LCOR: variants seen among roughly 807,000 people sequenced by gnomAD.
The protein encoded by LCOR is ligand dependent nuclear receptor corepressor.
LCOR carries 14 observed loss-of-function variants against 64.4 expected under a neutral mutation model. The observed-to-expected ratio is 0.22, with a 90% CI of 0.14 to 0.34. The LOEUF is 0.34. Ranked by LOEUF, LCOR falls within the 10% of genes least tolerant of loss-of-function variation. LCOR has a pLI of 1.00. For synonymous variants in LCOR, 643 were observed against 642.5 expected (o/e 1.00, Z -0.01); for missense variants, 1,686 against 1,765.3 (o/e 0.96, Z 0.80).
At chr10:96,873,526 A>T (rs1269590968) in intron 2 of LCOR, among the ~76,000 whole-genome samples, 3 of 150,344 alleles carry the variant, frequency 2.0e-5, no homozygotes, top group Non-Finnish European at 4.4e-5. Flanking sequence ...TTGAATAGAT[A>T]CAGTGCTAAG....
At chr10:96,965,579 G>T (rs978254215) in intron 7 of LCOR, among the ~76,000 whole-genome samples, 1 of 148,332 alleles carries the variant, frequency 6.7e-6, no homozygotes. Context: ...GGAGAATGGC[G>T]TGAACCCAGG....
chr10:96,932,890 A>G (rs1476534715), intron 4 of LCOR, among the ~76,000 whole-genome samples: 1 of 152,254 alleles, frequency 6.6e-6, no homozygotes, highest in East Asian at 1.9e-4. Flanking sequence ...ATATGTTTCA[A>G]GAAAGGAAGA....
Position 96,992,497 on chromosome 10 carries a change from G to A in LCOR, c.*7363G>A, listed in dbSNP as rs566037808. On this transcript the variant is annotated 3_prime_UTR_variant, in exon 8 of 8. Coordinates refer to ENST00000421806, the MANE Select transcript of LCOR (RefSeq NM_001346516.2). Reference sequence around the variant, plus strand: ...ATTTGGACAGATGCAACAGAAGCACGTCTCCCCCACTGTCACCCCATCCCA... The same window carrying A: ...ATTTGGACAGATGCAACAGAAGCACATCTCCCCCACTGTCACCCCATCCCA... 1.3e-5 allele frequency: 2 copies of A among 152,380 alleles called. No homozygotes were observed. Among genetic ancestry groups the A allele is most frequent in the East Asian group, 1.9e-4 (1 of 5,188 alleles). 9.4% of individuals were successfully genotyped at this position (152,380 alleles called of 1,614,324 possible). A position where few individuals can be genotyped will look rare whatever the true frequency, so the allele number is the denominator to read the frequency against.
intron 7 of LCOR, among the ~76,000 whole-genome samples, chr10:96,969,202 A>T (rs768870272): frequency 6.6e-6 from 1 of 152,212 alleles, no homozygotes; most frequent in Non-Finnish European, 1.5e-5. Context: ...GATTGACATT[A>T]TGCAAGAAAC....
chr10:96,852,460 A>G (rs1316475348), intron 2 of LCOR, among the ~76,000 whole-genome samples: 2 of 152,170 alleles, frequency 1.3e-5, no homozygotes, highest in Non-Finnish European at 2.9e-5. Flanking sequence ...TCTTTAGGCT[A>G]TGTGTATAAG....
intron 2 of LCOR, among the ~76,000 whole-genome samples, chr10:96,879,433 T>TA (rs1464173401): frequency 1.3e-5 from 2 of 152,200 alleles, no homozygotes. Flanking sequence ...GCCAGAAGCT[T>TA]ATTCCAAGCC....
chr10:96,920,824 A>G (rs1847068149), intron 4 of LCOR, among the ~76,000 whole-genome samples: 1 of 149,048 alleles, frequency 6.7e-6, no homozygotes, highest in African/African-American at 2.5e-5. Flanking sequence ...GGGAGACAGG[A>G]TGTTACTCTG....
intron 2 of LCOR, among the ~76,000 whole-genome samples, chr10:96,844,743 G>C (rs1845598480): frequency 6.6e-6 from 1 of 152,190 alleles, no homozygotes; most frequent in African/African-American, 2.4e-5. Context: ...TTAGGAGAGG[G>C]AAAGGCAGCA....
chr10:96,988,028 G>A lies in LCOR; in HGVS notation c.*2894G>A, dbSNP rs1004287050. 3 of 152,230 alleles carry A rather than the reference G, an allele frequency of 2.0e-5. No individual in the cohort carries two copies. The highest frequency in any genetic ancestry group is 7.2e-5 in the African/African-American group (3 of 41,450). 9.4% of individuals were successfully genotyped at this position (152,230 alleles called of 1,614,324 possible). On this transcript the variant is annotated 3_prime_UTR_variant, in exon 8 of 8. Coordinates refer to ENST00000421806, the MANE Select transcript of LCOR (RefSeq NM_001346516.2). ...TTGGGGCTGAAGTTGATGACCAAAG[G>A]ACACTGGTATTCTCTGAGTTTCTGG...
rs1848160884 is a variant in LCOR at position 96,987,862 on chromosome 10, A to G, written c.*2728A>G. On this transcript the variant is annotated 3_prime_UTR_variant, in exon 8 of 8. Coordinates refer to ENST00000421806, the MANE Select transcript of LCOR (RefSeq NM_001346516.2). ...ACTCAAGTCTGCTATTGTTTTCCCT[A>G]CCTTGCAAAAACCTTCTTCCCAGAG... The G allele has an allele frequency of 6.6e-6, 1 of 152,192 alleles. No homozygotes were observed. The highest frequency in any genetic ancestry group is 1.5e-5 in the Non-Finnish European group (1 of 68,040). The allele number at this position is 152,192 out of a possible 1,614,324, so 9.4% of individuals were successfully genotyped here.
intron 7 of LCOR, among the ~76,000 whole-genome samples, chr10:96,953,383 C>G (rs1265325070): frequency 6.6e-6 from 1 of 152,054 alleles, no homozygotes; most frequent in African/African-American, 2.4e-5. Context: ...AAAACCCCGT[C>G]TCTACTAAAA....
At chr10:96,953,144 A>G (rs1847710584) in intron 7 of LCOR, among the ~76,000 whole-genome samples, 1 of 152,152 alleles carries the variant, frequency 6.6e-6, no homozygotes. Context: ...TCCAGAAAGT[A>G]TTAATTTAAT....
chr10:96,965,556 G>T (rs866904790), intron 7 of LCOR, among the ~76,000 whole-genome samples: 139 of 150,416 alleles, frequency 9.2e-4, no homozygotes, highest in African/African-American at 3.2e-3. Context: ...CAGCTACTCG[G>T]GAGGCTGAGG....
At chr10:96,888,380 A>G (rs1846382297) in intron 2 of LCOR, among the ~76,000 whole-genome samples, 1 of 150,036 alleles carries the variant, frequency 6.7e-6, no homozygotes, top group South Asian at 2.1e-4. Context: ...AAAAAAAAAA[A>G]AAAAAAAAAA....
intron 7 of LCOR, chr10:96,955,052 A>C (rs1847743871): frequency 6.2e-7 from 1 of 1,614,122 alleles, no homozygotes; most frequent in Admixed American, 1.7e-5. Context: ...AAGGTTTTGG[A>C]CACTCCACAT....
intron 2 of LCOR, among the ~76,000 whole-genome samples, chr10:96,852,814 CTA>C (rs1235957673): frequency 6.6e-6 from 1 of 151,990 alleles, no homozygotes; most frequent in Non-Finnish European, 1.5e-5. Context: ...TATTTTGCCT[CTA>C]TTTTTGTATC....
chr10:96,871,102 G>A (rs1314377884), intron 2 of LCOR, among the ~76,000 whole-genome samples: 6 of 152,134 alleles, frequency 3.9e-5, no homozygotes. Context: ...TGTTGTCCAG[G>A]CAGGAGTGCA....
Position 96,983,431 on chromosome 10 carries a change from G to T in LCOR, c.2971G>T (p.Val991Leu). The T allele has an allele frequency of 6.2e-7, 1 of 1,614,238 alleles. No homozygotes were observed. Among genetic ancestry groups the T allele is most frequent in the Non-Finnish European group, 8.5e-7 (1 of 1,180,050 alleles). The change falls in exon 8 of 8, where the codon GTG becomes TTG. Residue 991 changes from valine (V) to leucine (L), a missense_variant. Around this residue, in one of 3 missense-constraint regions of LCOR, gnomAD observed 1,293 missense variants for 1,410.4 expected, o/e 0.92. Coordinates refer to ENST00000421806, the MANE Select transcript of LCOR (RefSeq NM_001346516.2). This position sits in a 1 kb window ranked among gnomAD's most constrained non-coding sequence, Gnocchi z 4.5. ...TCCCACACAGCATGTGGAGGAGGCT[G>T]TGAATGAGGTAGACAACGAAAACAC... ...HIPTQHVEEAVNEVDNENTQQ... is the reference protein window; with the variant it reads ...HIPTQHVEEALNEVDNENTQQ...
chr10:96,902,187 G>C (rs1846652467), intron 2 of LCOR, among the ~76,000 whole-genome samples: 1 of 150,728 alleles, frequency 6.6e-6, no homozygotes, highest in Non-Finnish European at 1.5e-5. Context: ...TTTATAATTT[G>C]TCTTCAAGTG....
Sources: allele counts gnomAD v4.1 joint callset (sites outside exome capture counted in the v4.1 genomes callset), GRCh38; gene constraint gnomAD v4.1.1; regional missense constraint gnomAD v4.1.1; non-coding constraint Gnocchi (gnomAD v3.1); transcripts MANE v1.5; gene names NCBI Gene and HGNC (gene_info 2026-07-23, HGNC 2026-07-21).